The following CYBB variants were observed in gnomAD, a reference collection of about 807,000 sequenced individuals.
CYBB encodes the protein NADPH oxidase 2.
Under a neutral mutation model 46.5 loss-of-function variants are expected in CYBB, and 5 were observed. The observed-to-expected ratio is 0.11, with a 90% CI of 0.06 to 0.23. The LOEUF is 0.23. CYBB is among the 10% of genes least tolerant of loss of function. CYBB has a pLI of 1.00. For missense variants in CYBB, 307 were observed against 428.3 expected (o/e 0.72, Z 2.50); for synonymous variants, 183 against 156.7 (o/e 1.17, Z -1.26).
rs977156625 is a variant in CYBB, at chrX:37,811,360, C to T, written c.*443C>T. ...ATATTCCCCAAAAGAAGAAGGAAACCAAGGAGTAGCTATATATTTCTACTT... is the reference window on the plus strand; with the variant it reads ...ATATTCCCCAAAAGAAGAAGGAAACTAAGGAGTAGCTATATATTTCTACTT... On this transcript the variant is annotated 3_prime_UTR_variant, in exon 13 of 13. Transcript: ENST00000378588. 7.2e-6 allele frequency: 1 copy of T among 137,992 alleles called. No individual in the cohort carries two copies. Among genetic ancestry groups the T allele is most frequent in the African/African-American group, 3.2e-5 (1 of 30,921 alleles). 11.4% of individuals were successfully genotyped at this position (137,992 alleles called of 1,213,427 possible). A position where few individuals can be genotyped will look rare whatever the true frequency, so the allele number is the denominator to read the frequency against.
At chrX:37,795,073 G>T (rs1258160870) in intron 5 of CYBB, among the ~76,000 whole-genome samples, 5 of 111,595 alleles carry the variant, frequency 4.5e-5, no homozygotes, top group African/African-American at 1.6e-4. Flanking sequence ...GCTCTATTCA[G>T]TTGTTCCTGG....
In CYBB at chrX:37,811,931, T is replaced by G. The variant is rs1028721709; in HGVS notation, c.*1014T>G. On this transcript the variant is annotated 3_prime_UTR_variant, in exon 13 of 13. Transcript: ENST00000378588. Reference sequence around the variant, plus strand: ...CTTGTGCTATAAAATAAATGCAGACTAATTTCCTGCCCAAAGTGGTCTTCT... The same window carrying G: ...CTTGTGCTATAAAATAAATGCAGACGAATTTCCTGCCCAAAGTGGTCTTCT... 8.9e-6 allele frequency: 1 copy of G among 111,864 alleles called. No individual in the cohort carries two copies. The highest frequency in any genetic ancestry group is 1.9e-5 in the Non-Finnish European group (1 of 53,178). 9.2% of individuals were successfully genotyped at this position (111,864 alleles called of 1,213,427 possible). A position where few individuals can be genotyped will look rare whatever the true frequency, so the allele number is the denominator to read the frequency against.
At position 37,812,611 on chromosome X, in the gene CYBB, C is replaced by G. The variant is rs1929698418; in HGVS notation, c.*1694C>G. 1 of 111,399 alleles carries G rather than the reference C, an allele frequency of 9.0e-6. No individual in the cohort carries two copies. The highest frequency in any genetic ancestry group is 9.5e-5 in the Admixed American group (1 of 10,523). The allele number at this position is 111,399 out of a possible 1,213,427, so 9.2% of individuals were successfully genotyped here. On this transcript the variant is annotated 3_prime_UTR_variant, in exon 13 of 13. Transcript: ENST00000378588. ...GGTATTGAATCTTTTAAAATCTGGT[C>G]ACAAATTTTGATGCTGAGGGGGATT...
At chrX:37,784,535 GC>G (rs782256576) in intron 3 of CYBB, among the ~76,000 whole-genome samples, 2 of 111,512 alleles carry the variant, frequency 1.8e-5, no homozygotes, top group South Asian at 7.4e-4. Context: ...ATTCTTGAAG[GC>G]CAAGAATTGG....
intron 11 of CYBB, among the ~76,000 whole-genome samples, chrX:37,806,810 T>G (rs1929570872): frequency 9.0e-6 from 1 of 110,935 alleles, no homozygotes; most frequent in Non-Finnish European, 1.9e-5. Context: ...GTGATTGAGA[T>G]GATGCACAGG....
Position 37,780,076 on chromosome X carries a change from C to A in CYBB, c.-2C>A. The A allele has an allele frequency of 8.3e-7, 1 of 1,209,380 alleles. No individual in the cohort carries two copies. The highest frequency in any genetic ancestry group is 1.1e-6 in the Non-Finnish European group (1 of 893,595). ...AACACAACACATTCAACCTCTGCCACCATGGGGAACTGGGCTGTGAATGAG... is the reference window on the plus strand; with the variant it reads ...AACACAACACATTCAACCTCTGCCAACATGGGGAACTGGGCTGTGAATGAG... On this transcript the variant is annotated 5_prime_UTR_variant, in exon 1 of 13. Transcript: ENST00000378588.
At position 37,799,136 on chromosome X, in the gene CYBB, C is replaced by T. The variant is rs34065977; in HGVS notation, c.804+52C>T. On this transcript the variant is annotated intron_variant, in intron 7 of 12. Transcript: ENST00000378588. ...CAGTTTCATTACTGACAATCTTTAA[C>T]CTGTGTCTAAGAAACATGTACAGAT... 1,483 of 1,113,062 alleles carry T rather than the reference C, an allele frequency of 1.3e-3. 10 individuals carry two copies. In the African/African-American group the frequency reaches 0.024, roughly 18 times the overall value. 91.7% of individuals were successfully genotyped at this position (1,113,062 alleles called of 1,213,427 possible).
chrX:37,804,666 A>G (rs1929513817), intron 9 of CYBB, among the ~76,000 whole-genome samples: 1 of 109,616 alleles, frequency 9.1e-6, no homozygotes, highest in Admixed American at 9.8e-5. Flanking sequence ...GGTGCACCGT[A>G]TGCAAGAATT....
chrX:37,799,580 G>A (rs1556469342), intron 7 of CYBB, among the ~76,000 whole-genome samples: 2 of 111,995 alleles, frequency 1.8e-5, no homozygotes. Flanking sequence ...TGTTTATGAG[G>A]CATAAAGGAG....
intron 12 of CYBB, among the ~76,000 whole-genome samples, chrX:37,810,420 C>T (rs1000525992): frequency 8.9e-6 from 1 of 112,250 alleles, no homozygotes; most frequent in Non-Finnish European, 1.9e-5. Flanking sequence ...AATGAAGCCA[C>T]ACTGAGTGGT....
At chrX:37,803,458 A>G (rs1389537487) in intron 8 of CYBB, among the ~76,000 whole-genome samples, 1 of 111,217 alleles carries the variant, frequency 9.0e-6, no homozygotes, top group East Asian at 2.8e-4. Context: ...ATTCCCTGGT[A>G]AAGACTGAGA....
At position 37,795,935 on chromosome X, in the gene CYBB, TG is replaced by T; in HGVS notation, c.484-15del. On this transcript the variant is annotated splice_polypyrimidine_tract_variant and intron_variant, in intron 5 of 12. Transcript: ENST00000378588. ...GTGTGTGTGTGTGTGTGTGTGTGTG[TG>T]TTTATATTTTACAGAACCCTGAAGG... 1 of 1,091,026 alleles carries T rather than the reference TG, an allele frequency of 9.2e-7. No homozygotes were observed. The highest frequency in any genetic ancestry group is 1.3e-6 in the Non-Finnish European group (1 of 793,594). 89.9% of individuals were successfully genotyped at this position (1,091,026 alleles called of 1,213,427 possible).
chrX:37,792,276 T>G (rs1416693080), intron 4 of CYBB, among the ~76,000 whole-genome samples: 3 of 111,690 alleles, frequency 2.7e-5, no homozygotes, highest in Non-Finnish European at 5.7e-5. Flanking sequence ...ATTTCAGGAT[T>G]TTCCTATAAA....
chrX:37,808,710 A>G (rs1392309552), intron 11 of CYBB, among the ~76,000 whole-genome samples: 1 of 112,820 alleles, frequency 8.9e-6, no homozygotes, highest in Non-Finnish European at 1.9e-5. Context: ...TGATAAAAAT[A>G]AAACTCAGGA....
rs2146821107 is a variant in CYBB, at chrX:37,809,571, A to G, written c.1466A>G (p.Asn489Ser). The change falls in exon 12 of 13, where the codon AAT becomes AGT. Residue 489 changes from asparagine to serine, a missense_variant. Asn to Ser is a conservative substitution (Grantham distance 46). Around this residue, in one of 3 missense-constraint regions of CYBB, gnomAD observed 122 missense variants for 208.3 expected, o/e 0.59. Coordinates refer to ENST00000378588, the MANE Select transcript of CYBB (RefSeq NM_000397.4). Reference protein sequence around the residue: ...YLTGWDESQANHFAVHHDEEK... With the variant: ...YLTGWDESQASHFAVHHDEEK... ...AATTCATGTCCTTTCCTGTAGGCCA[A>G]TCACTTTGCTGTGCACCATGATGAG... 1 of 1,199,943 alleles carries G rather than the reference A, an allele frequency of 8.3e-7. No homozygotes were observed. The highest frequency in any genetic ancestry group is 1.1e-6 in the Non-Finnish European group (1 of 888,678).
At chrX:37,800,338 C>A (rs1439730011) in intron 7 of CYBB, among the ~76,000 whole-genome samples, 1 of 111,638 alleles carries the variant, frequency 9.0e-6, no homozygotes, top group Non-Finnish European at 1.9e-5. Context: ...CAAAGGCCAA[C>A]AACAGAACAT....
Position 37,793,798 on chromosome X carries a change from A to G in CYBB, c.471A>G (p.Arg157=). 8.3e-7 allele frequency: 1 copy of G among 1,205,992 alleles called. No homozygotes were observed. The highest frequency in any genetic ancestry group is 1.1e-6 in the Non-Finnish European group (1 of 892,008). ...ATGAAAGTTATCTCAATTTTGCTCG[A>G]AAGAGAATAAAGGTAAGCCTCTCAT... The part of the protein sequence containing the change: ...RQNESYLNFA[R]KRIKNPEGGL... The change falls in exon 5 of 13, where the codon CGA becomes CGG. Residue 157 remains arginine (R), a synonymous_variant. Transcript: ENST00000378588.
chrX:37,798,854 A>G, intron 6 of CYBB, 101 bp from the exon 7 acceptor site: 1 of 865,967 alleles, frequency 1.2e-6, no homozygotes, highest in Non-Finnish European at 1.7e-6. Context: ...AGTGAAAAGT[A>G]CAGGGCCTAC....
chrX:37,790,155 C>T (rs1188564372), intron 3 of CYBB, among the ~76,000 whole-genome samples: 1 of 112,163 alleles, frequency 8.9e-6, no homozygotes, highest in Non-Finnish European at 1.9e-5. Flanking sequence ...ATAAGTTCTA[C>T]ACAGTCTCCC....
Sources: gnomAD v4.1 joint callset for allele counts (sites outside exome capture counted in the v4.1 genomes callset) on GRCh38, gnomAD v4.1.1 for gene constraint, gnomAD v4.1.1 regional missense constraint, MANE v1.5 for transcripts, NCBI Gene and HGNC (gene_info 2026-07-23, HGNC 2026-07-21) for gene names.